Variants in GABRG1 observed in about 807,000 individuals in gnomAD.
GABRG1 encodes the protein gamma-aminobutyric acid receptor subunit gamma-1.
In GABRG1, 49 loss-of-function variants were observed where a neutral mutation model predicts 49.8. The observed-to-expected ratio is 0.98, with a 90% CI of 0.78 to 1.25. GABRG1 has a LOEUF of 1.25. GABRG1 is among the 50% of genes most tolerant of loss of function. The pLI, the probability that GABRG1 is intolerant of heterozygous loss-of-function variation, is 0.00. For missense variants in GABRG1, 552 were observed against 552.3 expected (o/e 1.00, Z 0.01); for synonymous variants, 232 against 185.1 (o/e 1.25, Z -2.06).
intron 3 of GABRG1, among the ~76,000 whole-genome samples, chr4:46,070,855 C>T (rs1269984907): frequency 6.6e-6 from 1 of 151,878 alleles, no homozygotes; most frequent in Non-Finnish European, 1.5e-5. Context: ...TGGTTGAGGC[C>T]CAACTACATT....
intron 1 of GABRG1, among the ~76,000 whole-genome samples, chr4:46,120,769 G>A (rs1227869940): frequency 6.6e-6 from 1 of 151,698 alleles, no homozygotes; most frequent in African/African-American, 2.4e-5. Flanking sequence ...ATGCCACATA[G>A]TATGATTATT....
chr4:46,106,815 C>A (rs910998355), intron 1 of GABRG1, among the ~76,000 whole-genome samples: 2 of 150,374 alleles, frequency 1.3e-5, no homozygotes, highest in East Asian at 2.0e-4. Flanking sequence ...GGTCATTAAG[C>A]TTGATATGAA....
chr4:46,067,786 T>C (rs950127596), intron 3 of GABRG1, among the ~76,000 whole-genome samples: 2 of 152,154 alleles, frequency 1.3e-5, no homozygotes, highest in African/African-American at 4.8e-5. Flanking sequence ...CCATAATACA[T>C]AGTAATTCGT....
intron 8 of GABRG1, among the ~76,000 whole-genome samples, chr4:46,045,680 G>A (rs1233524728): frequency 6.6e-6 from 1 of 152,092 alleles, no homozygotes; most frequent in East Asian, 1.9e-4. Context: ...GAATTCAGAA[G>A]TAGAGATTTA....
chr4:46,071,004 G>A (rs778680772), intron 3 of GABRG1, among the ~76,000 whole-genome samples: 24 of 152,140 alleles, frequency 1.6e-4, no homozygotes, highest in South Asian at 1.0e-3. Context: ...AGTCAATGAT[G>A]TACAACGTTG....
chr4:46,084,649 ATAGT>A (rs1248341462), intron 2 of GABRG1, among the ~76,000 whole-genome samples: 1 of 151,666 alleles, frequency 6.6e-6, no homozygotes, highest in African/African-American at 2.4e-5. Context: ...CAACACTTAC[ATAGT>A]TTGTTTTTCC....
intron 3 of GABRG1, among the ~76,000 whole-genome samples, chr4:46,070,379 A>T (rs924882135): frequency 5.3e-5 from 8 of 152,012 alleles, no homozygotes; most frequent in African/African-American, 1.9e-4. Context: ...GAACAGTTAA[A>T]CTATATAAAA....
chr4:46,122,527 C>A (rs1188420211), intron 1 of GABRG1, among the ~76,000 whole-genome samples: 2 of 151,420 alleles, frequency 1.3e-5, no homozygotes, highest in Non-Finnish European at 2.9e-5. Context: ...TCTAAGGGAA[C>A]AGGGTTAAAA....
In GABRG1 at chr4:46,117,692, A is replaced by G. The variant is rs1720951405; in HGVS notation, c.104+6118T>C. On this transcript the variant is annotated intron_variant, in intron 1 of 8. Transcript: ENST00000295452. ...TAGCTGTATATATATACACATGTAT[A>G]TAGCTGTATATATACATACATGTAT... Among the ~76,000 whole-genome samples the G allele has an allele frequency of 2.1e-5, 3 of 144,890 alleles. No homozygotes were observed. The Admixed American group carries it at 2.1e-4, about 10-fold the overall frequency.
intron 1 of GABRG1, among the ~76,000 whole-genome samples, chr4:46,105,721 TA>T (rs1311150810): frequency 2.7e-5 from 4 of 146,782 alleles, no homozygotes; most frequent in Admixed American, 2.7e-4. Flanking sequence ...TCCAATTTTC[TA>T]AAATTACTTA....
At chr4:46,042,704 A>G (rs1224028051) in intron 8 of GABRG1, among the ~76,000 whole-genome samples, 1 of 152,024 alleles carries the variant, frequency 6.6e-6, no homozygotes, top group Non-Finnish European at 1.5e-5. Context: ...AGAAACATAG[A>G]TTCCAAGTCA....
intron 2 of GABRG1, among the ~76,000 whole-genome samples, chr4:46,089,036 T>C (rs1719887063): frequency 6.6e-6 from 1 of 151,876 alleles, no homozygotes; most frequent in Non-Finnish European, 1.5e-5. Flanking sequence ...TTAGCACTTT[T>C]AGGATATTTT....
chr4:46,103,118 T>C (rs1007218772), intron 1 of GABRG1, among the ~76,000 whole-genome samples: 1 of 151,582 alleles, frequency 6.6e-6, no homozygotes, highest in Non-Finnish European at 1.5e-5. Flanking sequence ...ATTTCCTGGT[T>C]CTGACACGGG....
chr4:46,098,399 G>A (rs1720260544), intron 1 of GABRG1, among the ~76,000 whole-genome samples: 1 of 151,612 alleles, frequency 6.6e-6, no homozygotes. Flanking sequence ...ACTAACATTG[G>A]TAAAATCAAG....
intron 8 of GABRG1, among the ~76,000 whole-genome samples, chr4:46,049,024 C>T (rs1718113476): frequency 6.6e-6 from 1 of 151,884 alleles, no homozygotes. Context: ...GCATCCTAGC[C>T]TGACTATAGC....
chr4:46,081,654 A>G (rs1358829086), intron 3 of GABRG1, among the ~76,000 whole-genome samples: 2 of 151,922 alleles, frequency 1.3e-5, no homozygotes, highest in Non-Finnish European at 2.9e-5. Flanking sequence ...GAAAATCAGC[A>G]AGATATTTGA....
At chr4:46,066,018 G>A (rs565385085) in intron 3 of GABRG1, among the ~76,000 whole-genome samples, 8 of 152,094 alleles carry the variant, frequency 5.3e-5, no homozygotes, top group African/African-American at 1.9e-4. Context: ...CACCGCACAC[G>A]GCCTAAACTT....
At chr4:46,071,273 C>A (rs1719107721) in intron 3 of GABRG1, among the ~76,000 whole-genome samples, 1 of 151,730 alleles carries the variant, frequency 6.6e-6, no homozygotes, top group Non-Finnish European at 1.5e-5. Context: ...ATCATTATTT[C>A]AGATTATCCT....
chr4:46,063,665 C>T (rs957613116), intron 5 of GABRG1, among the ~76,000 whole-genome samples: 4 of 151,988 alleles, frequency 2.6e-5, no homozygotes, highest in South Asian at 2.1e-4. Flanking sequence ...GCAACAAAAG[C>T]CAAAATTGAC....
Sources: allele counts gnomAD v4.1 joint callset (sites outside exome capture counted in the v4.1 genomes callset), GRCh38; gene constraint gnomAD v4.1.1; transcripts MANE v1.5; gene names NCBI Gene and HGNC (gene_info 2026-07-23, HGNC 2026-07-21).